The following CTIF variants were observed in gnomAD, a reference collection of about 807,000 sequenced individuals.
The protein encoded by CTIF is CBP80/20-dependent translation initiation factor.
A neutral mutation model predicts 66.0 loss-of-function variants in CTIF; 21 were observed. That is an observed-to-expected ratio of 0.32 (90% CI 0.23 to 0.46). The LOEUF (loss-of-function observed/expected upper bound fraction) is 0.46. Ranked by LOEUF, CTIF falls within the 20% of genes least tolerant of loss-of-function variation. The probability of loss-of-function intolerance (pLI) is 1.00; values close to 1 mark genes in which losing one functional copy is unlikely to be tolerated. For synonymous variants in CTIF, 345 were observed against 326.4 expected (o/e 1.06, Z -0.62); for missense variants, 739 against 812.7 (o/e 0.91, Z 1.10).
chr18:48,651,012 A>G (rs2144766648), intron 3 of CTIF, among the ~76,000 whole-genome samples: 1 of 152,332 alleles, frequency 6.6e-6, no homozygotes, highest in East Asian at 1.9e-4. Flanking sequence ...CGTGGAAAGG[A>G]ACACCCAGTA....
chr18:48,675,264 A>C (rs1313716443), intron 6 of CTIF, among the ~76,000 whole-genome samples: 1 of 152,066 alleles, frequency 6.6e-6, no homozygotes, highest in Non-Finnish European at 1.5e-5. Flanking sequence ...CTATCACAGG[A>C]GTGGAGGGGT....
At chr18:48,563,686 G>T (rs1022968747) in intron 1 of CTIF, among the ~76,000 whole-genome samples, 1 of 152,206 alleles carries the variant, frequency 6.6e-6, no homozygotes, top group Non-Finnish European at 1.5e-5. Context: ...TGGCCAGGCT[G>T]GTCTTGAACT....
intron 7 of CTIF, among the ~76,000 whole-genome samples, chr18:48,737,156 G>A (rs1233966252): frequency 6.6e-6 from 1 of 152,092 alleles, no homozygotes; most frequent in East Asian, 1.9e-4. Flanking sequence ...TAGTTCTGTG[G>A]CTTGGCCGGG....
chr18:48,771,228 T>A (rs1246477240), intron 9 of CTIF, among the ~76,000 whole-genome samples: 1 of 152,202 alleles, frequency 6.6e-6, no homozygotes, highest in South Asian at 2.1e-4. Context: ...CTCCCCTGTT[T>A]AAGCTTTTCT....
intron 1 of CTIF, among the ~76,000 whole-genome samples, chr18:48,581,261 A>T (rs555497303): frequency 6.6e-6 from 1 of 151,240 alleles, no homozygotes; most frequent in African/African-American, 2.4e-5. Flanking sequence ...GATTCCTGAG[A>T]CGTACCACGT....
At chr18:48,734,861 G>A (rs889076891) in intron 7 of CTIF, among the ~76,000 whole-genome samples, 13 of 152,204 alleles carry the variant, frequency 8.5e-5, no homozygotes, top group African/African-American at 1.4e-4. Flanking sequence ...GGAGCATCCC[G>A]TCTAGTTGGA....
chr18:48,695,873 T>A (rs1032860178), intron 6 of CTIF, among the ~76,000 whole-genome samples: 2 of 152,048 alleles, frequency 1.3e-5, no homozygotes, highest in Non-Finnish European at 2.9e-5. Context: ...AAGGAAAGAG[T>A]TCGCAGGGAA....
At chr18:48,722,722 A>C (rs1598926902) in intron 7 of CTIF, among the ~76,000 whole-genome samples, 1 of 152,110 alleles carries the variant, frequency 6.6e-6, no homozygotes, top group South Asian at 2.1e-4. Flanking sequence ...AGGTGTAAGC[A>C]CCCGGCCGTA....
At position 48,848,910 on chromosome 18, in the gene CTIF, G is replaced by A. The variant is rs549650628; in HGVS notation, c.1528-8678G>A. Among the ~76,000 whole-genome samples, 7 of 152,356 alleles carry A rather than the reference G, an allele frequency of 4.6e-5. No homozygotes were observed. The East Asian group carries it at 7.7e-4, about 17-fold the overall frequency. ...ATAGGACAGGAATGCATTCGCTTCC[G>A]AACAAACACTGTGTGGGCTCGCACA... is the stretch of plus-strand genomic sequence containing the variant. On this transcript the variant is annotated intron_variant, in intron 10 of 11. Coordinates refer to ENST00000256413, the MANE Select transcript of CTIF (RefSeq NM_014772.3).
chr18:48,683,342 C>T (rs913679416), intron 6 of CTIF, among the ~76,000 whole-genome samples: 6 of 150,420 alleles, frequency 4.0e-5, no homozygotes, highest in Non-Finnish European at 8.9e-5. Context: ...AAAATGACGG[C>T]CTGTCCCTTG....
At chr18:48,606,968 C>A (rs1258393962) in intron 1 of CTIF, among the ~76,000 whole-genome samples, 1 of 152,094 alleles carries the variant, frequency 6.6e-6, no homozygotes, top group Non-Finnish European at 1.5e-5. Flanking sequence ...TATTTATTAT[C>A]TTTTATATAT....
chr18:48,723,902 A>G (rs746594439), intron 7 of CTIF, among the ~76,000 whole-genome samples: 2 of 152,212 alleles, frequency 1.3e-5, no homozygotes, highest in Admixed American at 6.5e-5. Context: ...CTTGGTTTCC[A>G]AAAGTGATGC....
At chr18:48,699,132 C>T (rs1027828537) in intron 6 of CTIF, among the ~76,000 whole-genome samples, 4 of 152,252 alleles carry the variant, frequency 2.6e-5, no homozygotes, top group East Asian at 1.9e-4. Context: ...TAGATACCCC[C>T]GAGCCTCCTG....
intron 9 of CTIF, among the ~76,000 whole-genome samples, chr18:48,773,078 T>C (rs1489500490): frequency 6.6e-6 from 1 of 152,180 alleles, no homozygotes; most frequent in Non-Finnish European, 1.5e-5. Flanking sequence ...CTGGACTTTA[T>C]AAAGTGGGAC....
intron 10 of CTIF, among the ~76,000 whole-genome samples, chr18:48,817,958 G>A (rs1284229512): frequency 1.3e-5 from 2 of 152,332 alleles, no homozygotes; most frequent in African/African-American, 2.4e-5. Flanking sequence ...GCTGCAGAGG[G>A]GAGGCCTATG....
chr18:48,764,611 C>G (rs746178905), intron 9 of CTIF, among the ~76,000 whole-genome samples: 2 of 152,192 alleles, frequency 1.3e-5, no homozygotes, highest in Admixed American at 6.5e-5. Context: ...GGGAACCCCC[C>G]ACCCAAGGCA....
chr18:48,694,757 A>C (rs1218526909), intron 6 of CTIF, among the ~76,000 whole-genome samples: 2 of 152,266 alleles, frequency 1.3e-5, no homozygotes, highest in African/African-American at 4.8e-5. Flanking sequence ...GTCAGAGAGA[A>C]TGGTACAACC....
At chr18:48,549,655 T>G (rs1278904028) in intron 1 of CTIF, among the ~76,000 whole-genome samples, 1 of 152,244 alleles carries the variant, frequency 6.6e-6, no homozygotes, top group Non-Finnish European at 1.5e-5. Flanking sequence ...GGTTAGATTC[T>G]CCTTGTCTGT....
At chr18:48,658,585 T>A (rs118197865) in intron 3 of CTIF, among the ~76,000 whole-genome samples, 2 of 152,066 alleles carry the variant, frequency 1.3e-5, no homozygotes, top group African/African-American at 2.4e-5. Flanking sequence ...TGTGTATGCA[T>A]ACCATGCATG....
Sources: allele counts gnomAD v4.1 joint callset (sites outside exome capture counted in the v4.1 genomes callset), GRCh38; gene constraint gnomAD v4.1.1; transcripts MANE v1.5; gene names NCBI Gene and HGNC (gene_info 2026-07-23, HGNC 2026-07-21).